The following DLGAP2 variants were observed in gnomAD, a reference collection of about 807,000 sequenced individuals.
The protein encoded by DLGAP2 is DLG associated protein 2, also known as disks large-associated protein 2.
DLGAP2 carries 26 observed loss-of-function variants against 100.3 expected under a neutral mutation model. The ratio of observed to expected loss-of-function variants is 0.26; its 90% confidence interval spans 0.19 to 0.36. DLGAP2 has a LOEUF of 0.36. Among genes scored for constraint, DLGAP2 ranks in the 10% least tolerant of loss-of-function variants. DLGAP2 has a pLI of 1.00. For missense variants in DLGAP2, 1,858 were observed against 1,453.2 expected, an observed-to-expected ratio of 1.28 and a Z score of -4.53; for synonymous variants, 886 against 630.1, an observed-to-expected ratio of 1.41 and a Z score of -6.08.
At chr8:1,091,997 G>T (rs1804199757) in intron 2 of DLGAP2, among the ~76,000 whole-genome samples, 1 of 152,150 alleles carries the variant, frequency 6.6e-6, no homozygotes, top group Non-Finnish European at 1.5e-5. Context: ...TGATTGTTCA[G>T]TAGTGACAAT....
chr8:814,629 C>T (rs374385299), intron 1 of DLGAP2, among the ~76,000 whole-genome samples: 3 of 151,378 alleles, frequency 2.0e-5, no homozygotes, highest in Admixed American at 2.0e-4. Context: ...AGGTGGATCA[C>T]GAGGTCAGGA....
intron 3 of DLGAP2, among the ~76,000 whole-genome samples, chr8:1,272,594 A>G (rs1249654274): frequency 1.3e-5 from 2 of 152,200 alleles, no homozygotes; most frequent in African/African-American, 4.8e-5. Context: ...TGATCATGCC[A>G]AAGCAATGCA....
At chr8:793,534 T>A (rs1297557108) in intron 1 of DLGAP2, among the ~76,000 whole-genome samples, 1 of 152,186 alleles carries the variant, frequency 6.6e-6, no homozygotes, top group Non-Finnish European at 1.5e-5. Context: ...TCTGGTGGCT[T>A]CTCTTCCTTC....
intron 6 of DLGAP2, among the ~76,000 whole-genome samples, chr8:1,619,222 G>T (rs1235378352): frequency 6.6e-6 from 1 of 152,176 alleles, no homozygotes; most frequent in African/African-American, 2.4e-5. Flanking sequence ...ATACACAAAT[G>T]TCCAATAAGA....
intron 2 of DLGAP2, among the ~76,000 whole-genome samples, chr8:916,167 C>T (rs1015359616): frequency 7.2e-5 from 11 of 152,228 alleles, no homozygotes; most frequent in African/African-American, 2.7e-4. Flanking sequence ...TTCCTATCCA[C>T]CCCAGTTTTC....
At chr8:1,140,748 G>T (rs1415396102) in intron 2 of DLGAP2, among the ~76,000 whole-genome samples, 1 of 152,228 alleles carries the variant, frequency 6.6e-6, no homozygotes, top group Non-Finnish European at 1.5e-5. Context: ...GAGGTGGGCA[G>T]ATCACTTGAG....
Position 1,501,446 on chromosome 8 carries a change from T to A in DLGAP2, c.172+15T>A, listed in dbSNP as rs1799719792. Reference sequence around the variant, plus strand: ...GGAGGATCTAGGTAGAGTACAGACGTCAGCCCCGCTCTGGCGGGGCCCGGA... The same window carrying A: ...GGAGGATCTAGGTAGAGTACAGACGACAGCCCCGCTCTGGCGGGGCCCGGA... On this transcript the variant is annotated intron_variant, in intron 4 of 14. Coordinates refer to ENST00000637795, the MANE Select transcript of DLGAP2 (RefSeq NM_001346810.2). 11 of 1,535,162 alleles carry A rather than the reference T, an allele frequency of 7.2e-6. No individual in the cohort carries two copies. Among genetic ancestry groups the A allele is most frequent in the African/African-American group, 1.4e-5 (1 of 73,018 alleles).
At chr8:938,900 G>A (rs1799133520) in intron 2 of DLGAP2, among the ~76,000 whole-genome samples, 1 of 152,240 alleles carries the variant, frequency 6.6e-6, no homozygotes, top group South Asian at 2.1e-4. Flanking sequence ...CTTAAGCCCC[G>A]AGGAAGAGTG....
At chr8:1,662,949 T>C (rs938913646) in intron 8 of DLGAP2, among the ~76,000 whole-genome samples, 2 of 146,052 alleles carry the variant, frequency 1.4e-5, no homozygotes, top group African/African-American at 5.2e-5. Flanking sequence ...TGTGTGTGTG[T>C]ACACATGTGT....
intron 1 of DLGAP2, among the ~76,000 whole-genome samples, chr8:887,356 C>T (rs1797943434): frequency 6.6e-6 from 1 of 152,172 alleles, no homozygotes; most frequent in Admixed American, 6.5e-5. Context: ...TAATTGGGGG[C>T]ATTTAGCCCA....
intron 1 of DLGAP2, among the ~76,000 whole-genome samples, chr8:877,224 C>G (rs1373032034): frequency 6.6e-6 from 1 of 152,038 alleles, no homozygotes; most frequent in African/African-American, 2.4e-5. Flanking sequence ...GATTTTTTGT[C>G]AGAAACTGGA....
intron 2 of DLGAP2, among the ~76,000 whole-genome samples, chr8:1,063,521 C>T (rs1803151949): frequency 2.7e-5 from 3 of 111,390 alleles, no homozygotes; most frequent in South Asian, 3.1e-4. Context: ...AGTATACTGG[C>T]TTTTTTTTTT....
intron 3 of DLGAP2, among the ~76,000 whole-genome samples, chr8:1,284,344 T>C (rs986162046): frequency 6.6e-6 from 1 of 152,150 alleles, no homozygotes; most frequent in Non-Finnish European, 1.5e-5. Context: ...TATCCGGGGC[T>C]GTGGAATTGC....
At chr8:1,476,668 GCC>G (rs1798938755) in intron 3 of DLGAP2, among the ~76,000 whole-genome samples, 2 of 152,004 alleles carry the variant, frequency 1.3e-5, no homozygotes, top group Admixed American at 6.6e-5. Flanking sequence ...ACTGCTGTTG[GCC>G]AACCCACCAG....
At chr8:1,594,780 G>GT (rs1401361937) in intron 6 of DLGAP2, among the ~76,000 whole-genome samples, 4 of 152,008 alleles carry the variant, frequency 2.6e-5, no homozygotes, top group South Asian at 2.1e-4. Flanking sequence ...CAAAAATATA[G>GT]TTTTTTTAAA....
intron 1 of DLGAP2, among the ~76,000 whole-genome samples, chr8:794,914 G>C (rs1198169970): frequency 6.6e-6 from 1 of 152,200 alleles, no homozygotes; most frequent in Non-Finnish European, 1.5e-5. Context: ...TGGCGTGAGT[G>C]AGGTTGGGAT....
chr8:1,164,468 C>G (rs948145636), intron 2 of DLGAP2, among the ~76,000 whole-genome samples: 1 of 150,934 alleles, frequency 6.6e-6, no homozygotes, highest in Non-Finnish European at 1.5e-5. Context: ...CTGGCTCTCA[C>G]TGGCTGACGT....
Position 976,335 on chromosome 8 carries a change from G to A in DLGAP2, c.73+68369G>A, listed in dbSNP as rs138503440. On this transcript the variant is annotated intron_variant, in intron 2 of 14. Coordinates refer to ENST00000637795, the MANE Select transcript of DLGAP2 (RefSeq NM_001346810.2). ...CAGAAAATAGACTCAGTGCAGGCCG[G>A]GCGTGATGGTTCAAGCGTGTAATCC... 8.9e-3 allele frequency among the ~76,000 whole-genome samples: 1,359 copies of A among 152,266 alleles called. 19 individuals are homozygous for A. The highest frequency in any genetic ancestry group is 0.014 in the Non-Finnish European group (941 of 68,016).
intron 2 of DLGAP2, among the ~76,000 whole-genome samples, chr8:1,195,583 C>T (rs1036302183): frequency 2.0e-5 from 3 of 152,328 alleles, no homozygotes; most frequent in South Asian, 2.1e-4. Flanking sequence ...ACATATAATT[C>T]TTAATTCACT....
Sources: gnomAD v4.1 joint callset for allele counts (sites outside exome capture counted in the v4.1 genomes callset) on GRCh38, gnomAD v4.1.1 for gene constraint, MANE v1.5 for transcripts, NCBI Gene and HGNC (gene_info 2026-07-23, HGNC 2026-07-21) for gene names.